LRP1B: variants seen among roughly 807,000 people sequenced by gnomAD.
The protein encoded by LRP1B is low-density lipoprotein receptor-related protein 1B.
A neutral mutation model predicts 556.6 loss-of-function variants in LRP1B; 217 were observed. That is an observed-to-expected ratio of 0.39 (90% CI 0.35 to 0.44). The LOEUF is 0.44. LRP1B is among the 20% of genes least tolerant of loss of function. The pLI, the probability that LRP1B is intolerant of heterozygous loss-of-function variation, is 1.00. For missense variants in LRP1B, 5,053 were observed against 5,620.8 expected, an observed-to-expected ratio of 0.90 and a Z score of 3.23; for synonymous variants, 2,047 against 1,865.8, an observed-to-expected ratio of 1.10 and a Z score of -2.50.
chr2:141,782,853 G>A (rs1056884663), intron 2 of LRP1B, among the ~76,000 whole-genome samples: 5 of 151,964 alleles, frequency 3.3e-5, no homozygotes, highest in African/African-American at 1.2e-4. Flanking sequence ...CTCTGTGTAA[G>A]GCACTGTGTT....
At chr2:140,845,627 G>A (rs1332878444) in intron 29 of LRP1B, among the ~76,000 whole-genome samples, 1 of 151,962 alleles carries the variant, frequency 6.6e-6, no homozygotes, top group African/African-American at 2.4e-5. Flanking sequence ...AGACAAGGTG[G>A]AATATCTTAA....
rs1361282576 is a variant in LRP1B at position 140,492,674 on chromosome 2, A to C, written c.9054T>G (p.Ile3018Met). ...TCCTTATCTCATGATGATCAGCAAG[A>C]ATTAAAAAAGGTTCTTCATCTAAAC... is the stretch of plus-strand genomic sequence containing the variant. Reference protein sequence around the residue: ...KSLSDEEPFLILADHHEIRKI... With the variant: ...KSLSDEEPFLMLADHHEIRKI... The change falls in exon 57 of 91, where the codon ATT becomes ATG. Residue 3018 changes from isoleucine to methionine, a missense_variant. Transcript: ENST00000389484. 1 of 1,612,994 alleles carries C rather than the reference A, an allele frequency of 6.2e-7. No homozygotes were observed. Among genetic ancestry groups the C allele is most frequent in the African/African-American group, 1.3e-5 (1 of 74,908 alleles).
At chr2:140,941,503 A>G (rs1695401294) in intron 20 of LRP1B, among the ~76,000 whole-genome samples, 1 of 152,182 alleles carries the variant, frequency 6.6e-6, no homozygotes, top group Non-Finnish European at 1.5e-5. Flanking sequence ...AACTGTGTAC[A>G]CATTGAAATA....
At chr2:141,318,433 CTCTT>C (rs1687108788) in intron 3 of LRP1B, among the ~76,000 whole-genome samples, 1 of 152,210 alleles carries the variant, frequency 6.6e-6, no homozygotes, top group East Asian at 1.9e-4. Context: ...TTTAAAATAA[CTCTT>C]TAAGTATGGA....
At chr2:141,918,659 G>A (rs372578921) in intron 1 of LRP1B, among the ~76,000 whole-genome samples, 23 of 152,110 alleles carry the variant, frequency 1.5e-4, no homozygotes, top group African/African-American at 4.1e-4. Context: ...GTTTCTTTTC[G>A]TGAATTGGTT....
chr2:140,682,784 G>A (rs1685908694), intron 41 of LRP1B, among the ~76,000 whole-genome samples: 1 of 151,850 alleles, frequency 6.6e-6, no homozygotes, highest in African/African-American at 2.4e-5. Flanking sequence ...CAAGGAAACA[G>A]TACACTCAAT....
intron 79 of LRP1B, among the ~76,000 whole-genome samples, chr2:140,333,232 T>G (rs747235696): frequency 6.6e-6 from 1 of 152,094 alleles, no homozygotes; most frequent in Non-Finnish European, 1.5e-5. Context: ...AATATCCCCC[T>G]GCTACAGATA....
intron 67 of LRP1B, among the ~76,000 whole-genome samples, chr2:140,378,922 A>G (rs1307706686): frequency 6.6e-6 from 1 of 152,166 alleles, no homozygotes; most frequent in African/African-American, 2.4e-5. Flanking sequence ...CAATTTAGAT[A>G]ATTTAGCAGT....
At chr2:140,541,205 G>C (rs2105018133) in intron 44 of LRP1B, 107 bp from the exon 45 acceptor site, 2 of 940,400 alleles carry the variant, frequency 2.1e-6, no homozygotes, top group South Asian at 3.5e-5. Context: ...TCAATAATAT[G>C]TCATTAAAAA....
At chr2:140,916,131 T>G (rs1010219119) in intron 21 of LRP1B, among the ~76,000 whole-genome samples, 1 of 152,044 alleles carries the variant, frequency 6.6e-6, no homozygotes, top group Non-Finnish European at 1.5e-5. Context: ...TTCTGGCACA[T>G]AAACAATGAA....
intron 41 of LRP1B, among the ~76,000 whole-genome samples, chr2:140,640,666 A>G (rs1684262547): frequency 6.6e-6 from 1 of 151,958 alleles, no homozygotes; most frequent in Non-Finnish European, 1.5e-5. Context: ...TACAGGCGTG[A>G]GCCACCGCAC....
intron 3 of LRP1B, among the ~76,000 whole-genome samples, chr2:141,450,617 G>A (rs1286985743): frequency 6.6e-6 from 1 of 151,186 alleles, no homozygotes; most frequent in African/African-American, 2.4e-5. Flanking sequence ...ACATAAAAAT[G>A]ATTCAATATT....
intron 66 of LRP1B, among the ~76,000 whole-genome samples, chr2:140,402,479 C>T (rs192096849): frequency 1.6e-3 from 239 of 152,296 alleles, no homozygotes; most frequent in African/African-American, 5.5e-3. Context: ...ACAGGAGGAG[C>T]ACCGCACAGA....
At chr2:140,318,185 CTAGCAT>C (rs1382155893) in intron 82 of LRP1B, among the ~76,000 whole-genome samples, 2 of 152,002 alleles carry the variant, frequency 1.3e-5, no homozygotes, top group African/African-American at 4.8e-5. Flanking sequence ...AAAAAAATAA[CTAGCAT>C]TTATCTTCAG....
At chr2:140,382,704 A>G (rs1295748295) in intron 67 of LRP1B, among the ~76,000 whole-genome samples, 2 of 152,234 alleles carry the variant, frequency 1.3e-5, no homozygotes, top group African/African-American at 2.4e-5. Context: ...AACTCTTCCC[A>G]TATCTATCAC....
chr2:140,650,299 T>G (rs1377560556), intron 41 of LRP1B, among the ~76,000 whole-genome samples: 3 of 144,728 alleles, frequency 2.1e-5, no homozygotes, highest in African/African-American at 7.5e-5. Context: ...TTAAATCACT[T>G]TATTTTTATT....
chr2:141,163,813 T>C lies in LRP1B; in HGVS notation c.1013+24608A>G, dbSNP rs766287193. On this transcript the variant is annotated intron_variant, in intron 7 of 90. Coordinates refer to ENST00000389484, the MANE Select transcript of LRP1B (RefSeq NM_018557.3). ...CTTTTTCTTTATAAATCACCCAGTC[T>C]CAGGTATATTTTTATCTGCAGCATG... is the stretch of plus-strand genomic sequence containing the variant. Among the ~76,000 whole-genome samples the C allele has an allele frequency of 5.9e-5, 9 of 152,070 alleles. 1 individual carries two copies. The highest frequency in any genetic ancestry group is 3.9e-4 in the Admixed American group (6 of 15,240).
intron 41 of LRP1B, among the ~76,000 whole-genome samples, chr2:140,610,560 T>C (rs550741604): frequency 1.3e-5 from 2 of 152,152 alleles, no homozygotes; most frequent in African/African-American, 4.8e-5. Context: ...CCTGGAAAAA[T>C]TCATTTAGGC....
intron 1 of LRP1B, among the ~76,000 whole-genome samples, chr2:142,054,448 C>A (rs375354702): frequency 5.3e-5 from 8 of 152,200 alleles, no homozygotes; most frequent in South Asian, 2.1e-4. Context: ...CGTACTACCC[C>A]TGATCCTCTC....
Sources: allele counts gnomAD v4.1 joint callset (sites outside exome capture counted in the v4.1 genomes callset), GRCh38; gene constraint gnomAD v4.1.1; transcripts MANE v1.5; gene names NCBI Gene and HGNC (gene_info 2026-07-23, HGNC 2026-07-21).